The following CWF19L2 variants were observed in gnomAD, a reference collection of about 807,000 sequenced individuals.
CWF19L2 encodes CWF19 like cell cycle control factor 2.
Under a neutral mutation model 111.7 loss-of-function variants are expected in CWF19L2, and 98 were observed. The observed-to-expected ratio is 0.88, with a 90% CI of 0.75 to 1.04. CWF19L2 has a LOEUF of 1.04. Among genes scored for constraint, CWF19L2 ranks in the 50% least tolerant of loss-of-function variants. The pLI, the probability that CWF19L2 is intolerant of heterozygous loss-of-function variation, is 0.00. For synonymous variants in CWF19L2, 351 were observed against 342.9 expected, an observed-to-expected ratio of 1.02 and a Z score of -0.26; for missense variants, 1,101 against 1,051.4, an observed-to-expected ratio of 1.05 and a Z score of -0.65.
Position 107,418,333 on chromosome 11 carries a change from T to C in CWF19L2, c.1434-46A>G, listed in dbSNP as rs1195003892. 4.9e-6 allele frequency: 6 copies of C among 1,217,006 alleles called. No homozygotes were observed. The East Asian group carries it at 7.0e-5, about 14-fold the overall frequency. 75.4% of individuals were successfully genotyped at this position (1,217,006 alleles called of 1,614,324 possible). ...AACAGCATATGAAATATAGGTGCGA[T>C]GCAAGCAATAACATCAAGACTCAAA... On this transcript the variant is annotated intron_variant, in intron 8 of 17. Transcript: ENST00000282251.
chr11:107,390,124 T>C lies in CWF19L2; in HGVS notation c.1822A>G (p.Met608Val). Reference sequence around the variant, plus strand: ...TTGTTTTGATTTTCTGCTGTTCCCATCTTTTCATTTTTGACTAAATCATTT... The same window carrying C: ...TTGTTTTGATTTTCTGCTGTTCCCACCTTTTCATTTTTGACTAAATCATTT... The part of the protein sequence containing the change: ...SLNDLVKNEK[M>V]GTAENQNKLF... The change falls in exon 12 of 18, where the codon ATG becomes GTG. Residue 608 changes from methionine (M) to valine (V), a missense_variant. Met to Val is a conservative substitution (Grantham distance 21, BLOSUM62 1). Coordinates refer to ENST00000282251, the MANE Select transcript of CWF19L2 (RefSeq NM_152434.3). The C allele has an allele frequency of 1.2e-6, 2 of 1,613,010 alleles. No homozygotes were observed. Among genetic ancestry groups the C allele is most frequent in the Non-Finnish European group, 1.7e-6 (2 of 1,179,408 alleles).
chr11:107,436,905 G>A (rs150898150), intron 6 of CWF19L2, among the ~76,000 whole-genome samples: 2 of 152,152 alleles, frequency 1.3e-5, no homozygotes, highest in East Asian at 3.9e-4. Flanking sequence ...CCTTTACATG[G>A]TTGCCAAGAA....
intron 8 of CWF19L2, among the ~76,000 whole-genome samples, chr11:107,427,192 C>A (rs1861389974): frequency 6.6e-6 from 1 of 151,022 alleles, no homozygotes; most frequent in Non-Finnish European, 1.5e-5. Flanking sequence ...GTCTTGGTCT[C>A]CTACTTTACA....
intron 12 of CWF19L2, among the ~76,000 whole-genome samples, chr11:107,353,954 CTA>C (rs1213319581): frequency 6.6e-6 from 1 of 152,158 alleles, no homozygotes; most frequent in Non-Finnish European, 1.5e-5. Flanking sequence ...ATATACAATT[CTA>C]TATGACTTGT....
intron 12 of CWF19L2, among the ~76,000 whole-genome samples, chr11:107,361,665 T>C (rs979913481): frequency 2.6e-5 from 4 of 152,246 alleles, no homozygotes; most frequent in African/African-American, 4.8e-5. Flanking sequence ...AGGTGCTTTA[T>C]ACTTTTCCCT....
intron 16 of CWF19L2, among the ~76,000 whole-genome samples, chr11:107,332,561 C>G (rs1859865390): frequency 6.6e-6 from 1 of 150,580 alleles, no homozygotes; most frequent in Admixed American, 6.6e-5. Context: ...AAAAAAAAAC[C>G]ACCCCACCCT....
At chr11:107,456,434 G>A (rs1409191998) in intron 1 of CWF19L2, among the ~76,000 whole-genome samples, 2 of 151,988 alleles carry the variant, frequency 1.3e-5, no homozygotes, top group East Asian at 1.9e-4. Flanking sequence ...AAATACCAAA[G>A]AGAAAAGAAT....
At chr11:107,332,554 A>AAAAAACC (rs1462413218) in intron 16 of CWF19L2, among the ~76,000 whole-genome samples, 4 of 151,910 alleles carry the variant, frequency 2.6e-5, no homozygotes, top group East Asian at 3.9e-4. Flanking sequence ...CAGTGAAAAA[A>AAAAAACC]AAAAACCACC....
Position 107,371,096 on chromosome 11 carries a change from C to A in CWF19L2, c.1873-17360G>T, listed in dbSNP as rs1177439484. On this transcript the variant is annotated intron_variant, in intron 12 of 17. Transcript: ENST00000282251. The stretch of plus-strand genomic sequence containing the variant: ...TGGTGCGATCTCGGCTCACTGCAAG[C>A]TCTGCCTCCCGGGTTCTCCTGCCTC... Among the ~76,000 whole-genome samples the A allele has an allele frequency of 4.8e-5, 6 of 125,930 alleles. 2 individuals carry two copies. The highest frequency in any genetic ancestry group is 1.7e-4 in the African/African-American group (5 of 30,212). 82.6% of individuals were successfully genotyped at this position (125,930 alleles called of 152,430 possible).
intron 3 of CWF19L2, among the ~76,000 whole-genome samples, chr11:107,450,349 C>CA (rs1338783758): frequency 6.6e-6 from 1 of 151,552 alleles, no homozygotes; most frequent in Non-Finnish European, 1.5e-5. Context: ...AGTCAATAAC[C>CA]AAAAAAACCT....
intron 3 of CWF19L2, among the ~76,000 whole-genome samples, chr11:107,454,167 C>A (rs922051133): frequency 6.6e-6 from 1 of 152,228 alleles, no homozygotes; most frequent in Admixed American, 6.5e-5. Flanking sequence ...TGAACACCAG[C>A]TGTAGCCAGG....
chr11:107,413,249 T>C (rs575774608), intron 10 of CWF19L2, among the ~76,000 whole-genome samples: 1 of 152,300 alleles, frequency 6.6e-6, no homozygotes, highest in Admixed American at 6.5e-5. Context: ...GAAATGTGTG[T>C]ACCTTCCTCT....
chr11:107,387,188 T>C (rs1860780121), intron 12 of CWF19L2, among the ~76,000 whole-genome samples: 1 of 152,084 alleles, frequency 6.6e-6, no homozygotes, highest in Non-Finnish European at 1.5e-5. Context: ...GTATTCTTGA[T>C]TTCCCACTCC....
chr11:107,433,880 T>TTATTTATA (rs1328459601), intron 6 of CWF19L2, 131 bp from the exon 7 acceptor site: 12 of 122,126 alleles, frequency 9.8e-5, no homozygotes, highest in African/African-American at 3.4e-4. Flanking sequence ...CTTTGGAATT[T>TTATTTATA]TATATATATA....
intron 12 of CWF19L2, among the ~76,000 whole-genome samples, chr11:107,360,352 T>C (rs192680805): frequency 1.3e-3 from 201 of 152,344 alleles, no homozygotes; most frequent in African/African-American, 4.8e-3. Flanking sequence ...TTCCATTGTG[T>C]ATATATACCA....
intron 12 of CWF19L2, among the ~76,000 whole-genome samples, chr11:107,389,192 G>T (rs1021896877): frequency 2.0e-5 from 3 of 152,152 alleles, no homozygotes; most frequent in African/African-American, 7.2e-5. Context: ...CAGTGACTCA[G>T]TTCAAACTCC....
At chr11:107,350,146 CAAAA>C (rs949028405) in intron 13 of CWF19L2, among the ~76,000 whole-genome samples, 4 of 151,966 alleles carry the variant, frequency 2.6e-5, no homozygotes, top group Non-Finnish European at 1.5e-5. Context: ...TTAGAACACA[CAAAA>C]AAGCAATACT....
chr11:107,395,717 T>C (rs1591181657), intron 10 of CWF19L2, among the ~76,000 whole-genome samples: 1 of 152,212 alleles, frequency 6.6e-6, no homozygotes, highest in African/African-American at 2.4e-5. Context: ...GGAACAATTA[T>C]CCCTTCTTGC....
intron 14 of CWF19L2, among the ~76,000 whole-genome samples, 177 bp from the exon 15 acceptor site, chr11:107,336,890 T>A (rs1381410447): frequency 6.6e-6 from 1 of 152,186 alleles, no homozygotes; most frequent in Non-Finnish European, 1.5e-5. Context: ...TACTTTACTT[T>A]CTAAATCTAC....
Sources: allele counts gnomAD v4.1 joint callset (sites outside exome capture counted in the v4.1 genomes callset), GRCh38; gene constraint gnomAD v4.1.1; transcripts MANE v1.5; gene names NCBI Gene and HGNC (gene_info 2026-07-23, HGNC 2026-07-21).